SETX: variants seen among roughly 807,000 people sequenced by gnomAD.
The protein encoded by SETX is senataxin, also known as helicase senataxin.
Under a neutral mutation model 227.2 loss-of-function variants are expected in SETX, and 90 were observed. That is an observed-to-expected ratio of 0.40 (90% CI 0.33 to 0.47). The LOEUF (loss-of-function observed/expected upper bound fraction) is 0.47, where lower values mean the gene tolerates loss of function less well. Ranked by LOEUF, SETX falls within the 20% of genes least tolerant of loss-of-function variation. The pLI is 0.91. For synonymous variants in SETX, 1,210 were observed against 1,113.2 expected (o/e 1.09, Z -1.73); for missense variants, 3,052 against 3,181.5 (o/e 0.96, Z 0.98).
intron 15 of SETX, among the ~76,000 whole-genome samples, chr9:132,292,025 C>A (rs922608048): frequency 1.3e-5 from 2 of 152,062 alleles, no homozygotes; most frequent in Admixed American, 1.3e-4. Flanking sequence ...CTATTAATTA[C>A]TGATTTAGAT....
Position 132,264,860 on chromosome 9 carries a change from T to C in SETX, c.7413A>G (p.Arg2471=). ...CTATGGTAGGAGGGTGAGTGAGACTTCTCTGCAGCACAGGCTTGAGTTTCA... is the reference window on the plus strand; with the variant it reads ...CTATGGTAGGAGGGTGAGTGAGACTCCTCTGCAGCACAGGCTTGAGTTTCA... ...KILKLKPVLQ[R]SLTHPPTIAP... is the part of the protein sequence containing the mutation. Residue 2471 remains arginine, a synonymous_variant, in exon 26 of 26, where the codon AGA becomes AGG. Coordinates refer to ENST00000224140, the MANE Select transcript of SETX (RefSeq NM_015046.7). 1.2e-6 allele frequency: 2 copies of C among 1,614,124 alleles called. No homozygotes were observed. The highest frequency in any genetic ancestry group is 1.7e-6 in the Non-Finnish European group (2 of 1,180,020).
chr9:132,286,131 C>A, intron 18 of SETX, among the ~76,000 whole-genome samples: 1 of 145,140 alleles, frequency 6.9e-6, no homozygotes, highest in African/African-American at 2.6e-5. Flanking sequence ...TGCAGTGAGC[C>A]AAGATCACGC....
At chr9:132,294,024 A>G (rs1844514495) in intron 15 of SETX, among the ~76,000 whole-genome samples, 1 of 152,000 alleles carries the variant, frequency 6.6e-6, no homozygotes, top group Non-Finnish European at 1.5e-5. Flanking sequence ...ACTCCGTCTC[A>G]AAAATAAATA....
Position 132,326,627 on chromosome 9 carries a change from A to G in SETX, c.4971T>C (p.Asn1657=), listed in dbSNP as rs1159266524. 3 of 1,613,766 alleles carry G rather than the reference A, an allele frequency of 1.9e-6. No individual in the cohort carries two copies. The highest frequency in any genetic ancestry group is 2.5e-6 in the Non-Finnish European group (3 of 1,179,830). Residue 1657 remains asparagine, a synonymous_variant, in exon 10 of 26, where the codon AAT becomes AAC. Coordinates refer to ENST00000224140, the MANE Select transcript of SETX (RefSeq NM_015046.7). ...TATTCGGAGACTGAGGATGAAGAACATTGCACGAATTCTTCATTTCACCAA... is the reference window on the plus strand; with the variant it reads ...TATTCGGAGACTGAGGATGAAGAACGTTGCACGAATTCTTCATTTCACCAA... The part of the protein sequence containing the change: ...KPVGEMKNSC[N]VLHPQSPNNS...
At chr9:132,356,348 G>T (rs1403667444), upstream of SETX, among the ~76,000 whole-genome samples, 1 of 151,894 alleles carries the variant, frequency 6.6e-6, no homozygotes, top group Admixed American at 6.6e-5. Context: ...GAGTACAGGC[G>T]TGTGCCACAC....
At chr9:132,277,248 G>T (rs1235578673) in intron 21 of SETX, 96 bp from the exon 22 acceptor site, 2 of 1,015,854 alleles carry the variant, frequency 2.0e-6, no homozygotes, top group African/African-American at 1.6e-5. Context: ...GGTGATGTGG[G>T]CTGGGGCAAG....
intron 20 of SETX, among the ~76,000 whole-genome samples, chr9:132,280,284 AT>A (rs10592325): frequency 0.31 from 47,240 of 151,398 alleles, 7,821 homozygotes; most frequent in African/African-American, 0.43. Flanking sequence ...GCACAAATGG[AT>A]TTTTTTTTTC....
chr9:132,264,717 G>A lies in SETX; in HGVS notation c.7556C>T (p.Thr2519Ile). 1 of 1,614,246 alleles carries A rather than the reference G, an allele frequency of 6.2e-7. No individual in the cohort carries two copies. Among genetic ancestry groups the A allele is most frequent in the Non-Finnish European group, 8.5e-7 (1 of 1,180,044 alleles). Residue 2519 changes from threonine to isoleucine, a missense_variant, in exon 26 of 26, where the codon ACT becomes ATT. This residue lies in a region of SETX where 294 missense variants were observed against 278.8 expected (regional missense o/e 1.05). Coordinates refer to ENST00000224140, the MANE Select transcript of SETX (RefSeq NM_015046.7). ...AGGGTCCTTTGAAGTAACAGTAAGAGTAATTTCCTTGGAGTCAGAGGGTGT... is the reference window on the plus strand; with the variant it reads ...AGGGTCCTTTGAAGTAACAGTAAGAATAATTTCCTTGGAGTCAGAGGGTGT... Reference protein sequence around the residue: ...YHTPSDSKEITLTVTSKDPER... With the variant: ...YHTPSDSKEIILTVTSKDPER...
intron 2 of SETX, among the ~76,000 whole-genome samples, chr9:132,350,912 A>G (rs919113048): frequency 6.6e-5 from 10 of 152,224 alleles, no homozygotes; most frequent in Non-Finnish European, 4.4e-5. Context: ...TGGGGGGGAA[A>G]AAGAGTATGC....
chr9:132,285,091 A>C (rs1353842006), intron 18 of SETX, among the ~76,000 whole-genome samples: 1 of 151,974 alleles, frequency 6.6e-6, no homozygotes, highest in Admixed American at 6.6e-5. Flanking sequence ...GTTAGCCAGG[A>C]TGGTCTCAAT....
At chr9:132,265,762 A>G (rs1413948281) in intron 25 of SETX, among the ~76,000 whole-genome samples, 1 of 152,172 alleles carries the variant, frequency 6.6e-6, no homozygotes, top group African/African-American at 2.4e-5. Context: ...TTGGTGATCT[A>G]GAGTACTGCC....
chr9:132,271,862 A>G (rs2131149050), intron 23 of SETX, 54 bp from the exon 24 acceptor site: 1 of 1,466,290 alleles, frequency 6.8e-7, no homozygotes, highest in African/African-American at 1.4e-5. Flanking sequence ...ATTATTAAGT[A>G]TACATATTTA....
At chr9:132,290,434 AC>A (rs1345054932) in intron 15 of SETX, among the ~76,000 whole-genome samples, 5 of 151,164 alleles carry the variant, frequency 3.3e-5, no homozygotes, top group African/African-American at 1.2e-4. Flanking sequence ...AATTAGCTGG[AC>A]GTAGTGGCAC....
At chr9:132,350,814 A>G (rs780710539) in intron 2 of SETX, among the ~76,000 whole-genome samples, 19 of 152,232 alleles carry the variant, frequency 1.2e-4, no homozygotes, top group Non-Finnish European at 2.4e-4. Flanking sequence ...ACTTCTTTAG[A>G]AGAAATTTAA....
rs1405316978 is a variant in SETX at position 132,327,219 on chromosome 9, G to T, written c.4379C>A (p.Thr1460Asn). Residue 1460 changes from threonine to asparagine, a missense_variant, in exon 10 of 26, where the codon ACT becomes AAT. Physicochemically the swap from Thr to Asn is moderately conservative, Grantham distance 65 (BLOSUM62 0). Around this residue, in one of 10 missense-constraint regions of SETX, gnomAD observed 1,483 missense variants for 1,312.0 expected, o/e 1.13. Transcript: ENST00000224140. ...TVPTNEVIVS[T>N]SEDPLGGGDP... Reference sequence around the variant, plus strand: ...ACCTCCACCCAGAGGGTCTTCTGAAGTGGAGACAATTACTTCATTTGTTGG... The same window carrying T: ...ACCTCCACCCAGAGGGTCTTCTGAATTGGAGACAATTACTTCATTTGTTGG... The T allele has an allele frequency of 6.2e-7, 1 of 1,614,100 alleles. No individual in the cohort carries two copies. The highest frequency in any genetic ancestry group is 8.5e-7 in the Non-Finnish European group (1 of 1,180,048).
In SETX at chr9:132,298,175, A is replaced by C; in HGVS notation, c.5686T>G (p.Leu1896Val). ...CTAGCCAGTTGGTTCCGACTACCCAACAGAGACATGGCTTTCAACTTCCTT... is the reference window on the plus strand; with the variant it reads ...CTAGCCAGTTGGTTCCGACTACCCACCAGAGACATGGCTTTCAACTTCCTT... ...TQRKLKAMSL[L>V]GSRNQLARAV... is the part of the protein sequence containing the mutation. The change falls in exon 13 of 26, where the codon TTG (leucine) becomes GTG (valine). Residue 1896 changes from leucine (L) to valine (V), a missense_variant. Physicochemically the swap from Leu to Val is conservative, Grantham distance 32. Coordinates refer to ENST00000224140, the MANE Select transcript of SETX (RefSeq NM_015046.7). 1 of 1,614,168 alleles carries C rather than the reference A, an allele frequency of 6.2e-7. No individual in the cohort carries two copies. Among genetic ancestry groups the C allele is most frequent in the African/African-American group, 1.3e-5 (1 of 75,054 alleles).
Position 132,354,736 on chromosome 9 carries a change from C to T in SETX, c.-115+181G>A, listed in dbSNP as rs547254365. On this transcript the variant is annotated intron_variant, in intron 1 of 25. Transcript: ENST00000224140. ...AGGAAGGCAACAGGCGGCCGCCAGC[C>T]GTCGAGGGGTGCTCCCGCCCCCGCA... Among the ~76,000 whole-genome samples the T allele has an allele frequency of 4.9e-4, 75 of 152,198 alleles. 1 individual carries two copies. The highest frequency in any genetic ancestry group is 1.8e-3 in the African/African-American group (75 of 41,556).
chr9:132,320,454 C>T (rs1210857495), intron 10 of SETX, among the ~76,000 whole-genome samples: 1 of 151,992 alleles, frequency 6.6e-6, no homozygotes, highest in Non-Finnish European at 1.5e-5. Flanking sequence ...GTGCCGGACG[C>T]CTGATGGCGG....
At chr9:132,345,133 C>G (rs1042456231) in intron 4 of SETX, among the ~76,000 whole-genome samples, 1 of 152,092 alleles carries the variant, frequency 6.6e-6, no homozygotes, top group South Asian at 2.1e-4. Context: ...GGAGTGCTAG[C>G]GGCATTTAGT....
Sources: allele counts gnomAD v4.1 joint callset (sites outside exome capture counted in the v4.1 genomes callset), GRCh38; gene constraint gnomAD v4.1.1; regional missense constraint gnomAD v4.1.1; transcripts MANE v1.5; gene names NCBI Gene and HGNC (gene_info 2026-07-23, HGNC 2026-07-21).